Variants in PREX1 observed in about 807,000 individuals in gnomAD.
PREX1 encodes the protein phosphatidylinositol-3,4,5-trisphosphate dependent Rac exchange factor 1.
PREX1 carries 41 observed loss-of-function variants against 198.3 expected under a neutral mutation model. The observed-to-expected ratio is 0.21, with a 90% confidence interval of 0.16 to 0.27. The LOEUF is 0.27. Ranked by LOEUF, PREX1 falls within the 10% of genes least tolerant of loss-of-function variation. PREX1 has a pLI of 1.00. For missense variants in PREX1, 1,620 were observed against 2,200.7 expected (o/e 0.74, Z 5.28); for synonymous variants, 843 against 887.2 (o/e 0.95, Z 0.89).
chr20:48,793,118 T>G (rs188554981), intron 1 of PREX1, among the ~76,000 whole-genome samples: 1 of 151,984 alleles, frequency 6.6e-6, no homozygotes, highest in Non-Finnish European at 1.5e-5. Flanking sequence ...GGGGGGAGAA[T>G]TGCTTGAACC....
intron 3 of PREX1, 57 bp from the exon 4 acceptor site, chr20:48,734,707 T>C (rs1737920168): frequency 6.9e-7 from 1 of 1,446,560 alleles, no homozygotes; most frequent in South Asian, 1.1e-5. Context: ...GCAGGTGCCC[T>C]GACACATGCT....
rs1296606699 is a variant in PREX1 at position 48,827,947 on chromosome 20, C to CCGGCGGGCCGGGCTCAG, written c.-104_-88dup. 28 of 447,832 alleles carry CCGGCGGGCCGGGCTCAG rather than the reference C, an allele frequency of 6.3e-5. No individual in the cohort carries two copies. The highest frequency in any genetic ancestry group is 4.8e-4 in the East Asian group (3 of 6,220). The allele number at this position is 447,832 out of a possible 1,614,324, so 27.7% of individuals were successfully genotyped here. On this transcript the variant is annotated 5_prime_UTR_variant, in exon 1 of 40. Coordinates refer to ENST00000371941, the MANE Select transcript of PREX1 (RefSeq NM_020820.4). This position sits in a 1 kb window ranked among gnomAD's most constrained non-coding sequence, Gnocchi z 4.1. Reference sequence around the variant, plus strand: ...GGCGCCCCATCCCGGACGGGGCGCGCCGGCGGGCCGGGCTCAGCGGCGGGC... The same window carrying CCGGCGGGCCGGGCTCAG: ...GGCGCCCCATCCCGGACGGGGCGCGCCGGCGGGCCGGGCTCAGCGGCGGGCCGGGCTCAGCGGCGGGC...
chr20:48,749,745 TCAGC>T (rs753211565), intron 1 of PREX1, among the ~76,000 whole-genome samples: 2 of 152,168 alleles, frequency 1.3e-5, no homozygotes, highest in Non-Finnish European at 2.9e-5. Flanking sequence ...CAGAGCCATC[TCAGC>T]CAGTCTTGGG....
At chr20:48,811,614 G>A (rs922687101) in intron 1 of PREX1, among the ~76,000 whole-genome samples, 2 of 137,920 alleles carry the variant, frequency 1.5e-5, no homozygotes, top group African/African-American at 2.8e-5. Flanking sequence ...GACAAGACCT[G>A]GATACACACC....
chr20:48,862,788 A>ATATATATATAT, the PREX1 span, among the ~76,000 whole-genome samples: 6 of 49,830 alleles, frequency 1.2e-4, no homozygotes, highest in African/African-American at 7.1e-4. Context: ...CCTAAAAAAA[A>ATATATATATAT]AAATATATAT....
chr20:48,679,513 G>A (rs1304866783), intron 12 of PREX1, 104 bp from the exon 13 acceptor site: 2 of 1,404,502 alleles, frequency 1.4e-6, no homozygotes, highest in Non-Finnish European at 2.0e-6. Context: ...GGCAGGGCAG[G>A]GTAATGGGGG....
At chr20:48,692,925 A>T in intron 7 of PREX1, 135 bp from the exon 8 acceptor site, 1 of 729,712 alleles carries the variant, frequency 1.4e-6, no homozygotes, top group Non-Finnish European at 2.4e-6. Context: ...GGTCAGGAGC[A>T]GGAGTGTTTG....
chr20:48,744,026 ATGATGAT>A (rs1007732676), intron 3 of PREX1, among the ~76,000 whole-genome samples: 8 of 150,276 alleles, frequency 5.3e-5, no homozygotes, highest in Admixed American at 2.0e-4. Context: ...GATGATGATG[ATGATGAT>A]GAGTTAACAG....
intron 14 of PREX1, among the ~76,000 whole-genome samples, chr20:48,671,954 C>T (rs1181508674): frequency 6.6e-6 from 1 of 152,218 alleles, no homozygotes; most frequent in Non-Finnish European, 1.5e-5. Context: ...CTCCCCGTCT[C>T]CACTTGCAAC....
chr20:48,727,481 G>A lies in PREX1; in HGVS notation c.520-1090C>T, dbSNP rs2090015312. On this transcript the variant is annotated intron_variant, in intron 4 of 39. Transcript: ENST00000371941. ...TAAAAATAATAATAATAATAATACT[G>A]CTATCATCCATCGTAAACACTGACC... Among the ~76,000 whole-genome samples, 3 of 151,956 alleles carry A rather than the reference G, an allele frequency of 2.0e-5. No homozygotes were observed. In the South Asian group the frequency reaches 6.3e-4, roughly 32 times the overall value.
intron 1 of PREX1, among the ~76,000 whole-genome samples, chr20:48,748,643 T>C (rs1028677473): frequency 6.6e-6 from 1 of 152,202 alleles, no homozygotes; most frequent in Admixed American, 6.5e-5. Flanking sequence ...ATGGTCCTTC[T>C]ACCACCCTTT....
chr20:48,654,129 C>T (rs2089523710), intron 19 of PREX1, among the ~76,000 whole-genome samples: 1 of 152,198 alleles, frequency 6.6e-6, no homozygotes, highest in African/African-American at 2.4e-5. Flanking sequence ...CATAGACCGA[C>T]CCTGGAACCT....
chr20:48,739,697 C>T (rs2090072646), intron 3 of PREX1, among the ~76,000 whole-genome samples: 1 of 152,198 alleles, frequency 6.6e-6, no homozygotes, highest in South Asian at 2.1e-4. Flanking sequence ...GAGCCTGGCA[C>T]ACAGGAGATG....
At chr20:48,851,664 C>T in the PREX1 span, among the ~76,000 whole-genome samples, 2 of 152,186 alleles carry the variant, frequency 1.3e-5, no homozygotes, top group African/African-American at 4.8e-5. Context: ...TGGCATGGTG[C>T]ACGCTGGTTG....
intron 3 of PREX1, among the ~76,000 whole-genome samples, chr20:48,740,803 G>C (rs1226846004): frequency 6.6e-6 from 1 of 152,272 alleles, no homozygotes; most frequent in Non-Finnish European, 1.5e-5. Context: ...TTAGCTCAAG[G>C]AGGGTCTTAG....
chr20:48,862,780 T>TAAAA, the PREX1 span, among the ~76,000 whole-genome samples: 24 of 99,192 alleles, frequency 2.4e-4, no homozygotes, highest in East Asian at 1.5e-3. Flanking sequence ...TAAAAAAGCC[T>TAAAA]AAAAAAAAAA....
the PREX1 span, among the ~76,000 whole-genome samples, chr20:48,858,360 A>G: frequency 6.6e-6 from 1 of 152,128 alleles, no homozygotes; most frequent in Admixed American, 6.5e-5. Flanking sequence ...ATCTCCTCTC[A>G]CACACAGGCA....
intron 1 of PREX1, among the ~76,000 whole-genome samples, chr20:48,771,002 C>G (rs1383621208): frequency 6.6e-6 from 1 of 152,092 alleles, no homozygotes; most frequent in Non-Finnish European, 1.5e-5. Context: ...CTGGTTGAGT[C>G]TTCTGGTTTC....
intron 14 of PREX1, among the ~76,000 whole-genome samples, chr20:48,667,358 C>G (rs962375001): frequency 6.6e-6 from 1 of 152,218 alleles, no homozygotes; most frequent in East Asian, 1.9e-4. Context: ...TGACCAAGCA[C>G]CAGCTAATAA....
Sources: allele counts gnomAD v4.1 joint callset (sites outside exome capture counted in the v4.1 genomes callset), GRCh38; gene constraint gnomAD v4.1.1; non-coding constraint Gnocchi (gnomAD v3.1); transcripts MANE v1.5; gene names NCBI Gene and HGNC (gene_info 2026-07-23, HGNC 2026-07-21).